SMTNL2: variants seen among roughly 807,000 people sequenced by gnomAD.
SMTNL2 encodes smoothelin like 2.
A neutral mutation model predicts 44.1 loss-of-function variants in SMTNL2; 43 were observed. The observed-to-expected ratio is 0.98, with a 90% CI of 0.76 to 1.26. The LOEUF (loss-of-function observed/expected upper bound fraction) is 1.26. Ranked by LOEUF, SMTNL2 falls within the 50% of genes most tolerant of loss-of-function variation. SMTNL2 has a pLI of 0.00. For missense variants in SMTNL2, 646 were observed against 670.2 expected (o/e 0.96, Z 0.40); for synonymous variants, 317 against 287.6 (o/e 1.10, Z -1.03).
Position 4,593,073 on chromosome 17 carries a change from C to A in SMTNL2, c.632C>A (p.Thr211Asn). The change falls in exon 3 of 8, where the codon ACC becomes AAC. Residue 211 changes from threonine (T) to asparagine (N), a missense_variant. Physicochemically the swap from Thr to Asn is moderately conservative, Grantham distance 65. Coordinates refer to ENST00000389313, the MANE Select transcript of SMTNL2 (RefSeq NM_001114974.2). The stretch of plus-strand genomic sequence containing the variant: ...GTCTCTGACAGGTTCTCTGGGGAGA[C>A]CTCAGCTGCGGCTCTATCACCCATG... ...TRVSDRFSGETSAAALSPMSA... is the reference protein window; with the variant it reads ...TRVSDRFSGENSAAALSPMSA... 6.2e-7 allele frequency: 1 copy of A among 1,614,010 alleles called. No homozygotes were observed. Among genetic ancestry groups the A allele is most frequent in the Non-Finnish European group, 8.5e-7 (1 of 1,179,988 alleles).
In SMTNL2 at chr17:4,592,519, G is replaced by A; in HGVS notation, c.487+71G>A. On this transcript the variant is annotated intron_variant, in intron 2 of 7. Coordinates refer to ENST00000389313, the MANE Select transcript of SMTNL2 (RefSeq NM_001114974.2). This position sits in a 1 kb window ranked among gnomAD's most constrained non-coding sequence, Gnocchi z 4.5. ...TAAGTAAGGCCTTGGTCAGGTATCT[G>A]TGCCAGGCTGGCCCTTGGCCTGGCA... 6.9e-7 allele frequency: 1 copy of A among 1,453,468 alleles called. No individual in the cohort carries two copies. The highest frequency in any genetic ancestry group is 9.4e-7 in the Non-Finnish European group (1 of 1,065,102). 90.0% of individuals were successfully genotyped at this position (1,453,468 alleles called of 1,614,324 possible).
chr17:4,584,577 C>A lies in SMTNL2; in HGVS notation c.-29C>A, dbSNP rs888765438. 1.6e-6 allele frequency: 2 copies of A among 1,221,530 alleles called. No homozygotes were observed. The highest frequency in any genetic ancestry group is 1.0e-6 in the Non-Finnish European group (1 of 980,978). The allele number at this position is 1,221,530 out of a possible 1,614,324, so 75.7% of individuals were successfully genotyped here. A position where few individuals can be genotyped will look rare whatever the true frequency, so the allele number is the denominator to read the frequency against. ...CTCGGATCTTCTCCCCCGTCTGGCC[C>A]GCTCTCGACCCGCGCGCTCTGCTGG... On this transcript the variant is annotated 5_prime_UTR_variant, in exon 1 of 8. Transcript: ENST00000389313.
Position 4,600,471 on chromosome 17 carries a change from G to A in SMTNL2, c.1259+3148G>A, listed in dbSNP as rs943849304. On this transcript the variant is annotated intron_variant, in intron 7 of 7. Transcript: ENST00000389313. The surrounding 1 kb of genome is among the most constrained non-coding windows in gnomAD (Gnocchi z 4.7). ...AAACCACGGGTTCACCTTGCGTGAG[G>A]AATGAAGCATTTCCCCGAGCAAGTG... Among the ~76,000 whole-genome samples the A allele has an allele frequency of 2.0e-5, 3 of 152,196 alleles. No homozygotes were observed. The highest frequency in any genetic ancestry group is 2.4e-5 in the African/African-American group (1 of 41,442).
At chr17:4,584,521 G>A (rs1470644774), upstream of SMTNL2, 2 of 1,203,412 alleles carry the variant, frequency 1.7e-6, no homozygotes, top group South Asian at 4.2e-5. Flanking sequence ...AGCCAGCCAC[G>A]GACGGCCAGT....
intron 7 of SMTNL2, among the ~76,000 whole-genome samples, chr17:4,605,264 C>T (rs117298777): frequency 3.5e-5 from 5 of 144,738 alleles, no homozygotes; most frequent in South Asian, 2.2e-4. Flanking sequence ...TGGCCTCAAG[C>T]GATCCTCTCA....
At chr17:4,586,486 T>C (rs1452759358) in intron 1 of SMTNL2, among the ~76,000 whole-genome samples, 1 of 144,316 alleles carries the variant, frequency 6.9e-6, no homozygotes, top group African/African-American at 2.6e-5. Context: ...GGTTCACATA[T>C]ACATGTAGAT....
rs769000793 is a variant in SMTNL2 at position 4,595,261 on chromosome 17, G to A, written c.923G>A (p.Arg308His). The A allele has an allele frequency of 2.3e-5, 37 of 1,613,094 alleles. No homozygotes were observed. Among genetic ancestry groups the A allele is most frequent in the East Asian group, 1.3e-4 (6 of 44,882 alleles). The change falls in exon 5 of 8, where the codon CGC becomes CAC. Residue 308 changes from arginine to histidine, a missense_variant. By Grantham distance (29) the Arg-to-His change is conservative (BLOSUM62 0). Transcript: ENST00000389313. The surrounding 1 kb of genome is among the most constrained non-coding windows in gnomAD (Gnocchi z 5.1). ...CTGGTGAGGTCGCAGACGCTGCCCC[G>A]CACCTCGGAGGCGCAGGCCCGGAAA... ...RELVRSQTLPRTSEAQARKAL... is the reference protein window; with the variant it reads ...RELVRSQTLPHTSEAQARKAL...
intron 4 of SMTNL2, among the ~76,000 whole-genome samples, chr17:4,594,168 G>C (rs1473977316): frequency 6.6e-6 from 1 of 152,178 alleles, no homozygotes; most frequent in Non-Finnish European, 1.5e-5. Context: ...TGGAGGAGTG[G>C]CCGGGCGCGG....
At chr17:4,591,672 G>A (rs999368808) in intron 1 of SMTNL2, among the ~76,000 whole-genome samples, 12 of 152,250 alleles carry the variant, frequency 7.9e-5, no homozygotes, top group Admixed American at 3.3e-4. Context: ...CAGGGAAACA[G>A]ACCCAGAGGG....
rs1165308457 is a variant in SMTNL2, at chr17:4,584,646, G to T, written c.41G>T (p.Arg14Leu). Residue 14 changes from arginine to leucine, a missense_variant, in exon 1 of 8, where the codon CGC (arginine) becomes CTC (leucine). By Grantham distance (102) the Arg-to-Leu change is moderately radical (BLOSUM62 -2). Transcript: ENST00000389313. ...APDAQEARTV[R>L]EALGRYEAAL... ...GACGCCCAGGAGGCGCGCACTGTGC[G>T]CGAGGCGCTGGGCCGCTACGAGGCG... 3.2e-6 allele frequency: 4 copies of T among 1,266,534 alleles called. No individual in the cohort carries two copies. Among genetic ancestry groups the T allele is most frequent in the Non-Finnish European group, 4.0e-6 (4 of 1,008,468 alleles). The allele number at this position is 1,266,534 out of a possible 1,614,324, so 78.5% of individuals were successfully genotyped here.
At position 4,592,351 on chromosome 17, in the gene SMTNL2, GTC is replaced by G. The variant is rs1909608363; in HGVS notation, c.400-6_400-5del. ...CTGATGGGGTCTCGGTGACATTTGT[GTC>G]TCTGTAGAGTTTGGATCACGATGAG... On this transcript the variant is annotated splice_region_variant and splice_polypyrimidine_tract_variant and intron_variant, in intron 1 of 7. Transcript: ENST00000389313. The surrounding 1 kb of genome is among the most constrained non-coding windows in gnomAD (Gnocchi z 4.5). The G allele has an allele frequency of 1.9e-6, 3 of 1,613,128 alleles. No individual in the cohort carries two copies. The Admixed American group carries it at 5.0e-5, about 27-fold the overall frequency.
In SMTNL2 at chr17:4,592,521, GC is replaced by G; in HGVS notation, c.487+75del. The G allele has an allele frequency of 7.0e-7, 1 of 1,431,342 alleles. No homozygotes were observed. The highest frequency in any genetic ancestry group is 9.5e-7 in the Non-Finnish European group (1 of 1,049,274). The allele number at this position is 1,431,342 out of a possible 1,614,324, so 88.7% of individuals were successfully genotyped here. A position where few individuals can be genotyped will look rare whatever the true frequency, so the allele number is the denominator to read the frequency against. On this transcript the variant is annotated intron_variant, in intron 2 of 7. Coordinates refer to ENST00000389313, the MANE Select transcript of SMTNL2 (RefSeq NM_001114974.2). This position sits in a 1 kb window ranked among gnomAD's most constrained non-coding sequence, Gnocchi z 4.5. ...AGTAAGGCCTTGGTCAGGTATCTGTGCCAGGCTGGCCCTTGGCCTGGCATCG... is the reference window on the plus strand; with the variant it reads ...AGTAAGGCCTTGGTCAGGTATCTGTGCAGGCTGGCCCTTGGCCTGGCATCG...
rs144705012 is a variant in SMTNL2 at position 4,588,234 on chromosome 17, A to G, written c.399+3230A>G. 6.5e-3 allele frequency among the ~76,000 whole-genome samples: 993 copies of G among 152,310 alleles called. 12 individuals are homozygous for G. The highest frequency in any genetic ancestry group is 0.023 in the African/African-American group (938 of 41,554). ...CGTCCCCATGGATGGGCCCGTGCAG[A>G]TCAGGCAGCACCCAGAAGGCCTGAA... is the stretch of plus-strand genomic sequence containing the variant. On this transcript the variant is annotated intron_variant, in intron 1 of 7. Transcript: ENST00000389313.
chr17:4,596,823 G>A, intron 5 of SMTNL2, 37 bp from the exon 6 acceptor site: 1 of 1,415,310 alleles, frequency 7.1e-7, no homozygotes. Context: ...ATGGCAGCTG[G>A]AGGGGCCCCC....
intron 1 of SMTNL2, among the ~76,000 whole-genome samples, chr17:4,586,149 G>C (rs1909339320): frequency 6.6e-6 from 1 of 152,210 alleles, no homozygotes; most frequent in African/African-American, 2.4e-5. Context: ...CGAGGTATGC[G>C]AGTGGAGTGG....
intron 7 of SMTNL2, among the ~76,000 whole-genome samples, chr17:4,604,386 G>A (rs750254097): frequency 2.0e-5 from 3 of 152,188 alleles, no homozygotes; most frequent in Non-Finnish European, 2.9e-5. Context: ...CCTCCATTTC[G>A]CCTTGACATT....
At chr17:4,593,934 C>T (rs1274535069) in intron 4 of SMTNL2, 37 bp downstream of exon 4, 2 of 1,608,506 alleles carry the variant, frequency 1.2e-6, no homozygotes, top group Non-Finnish European at 1.7e-6. Context: ...GGTCGCTGCG[C>T]CCCAGGTGTC....
chr17:4,597,118 T>C, intron 6 of SMTNL2, 54 bp from the exon 7 acceptor site: 1 of 1,585,520 alleles, frequency 6.3e-7, no homozygotes, highest in Non-Finnish European at 8.6e-7. Context: ...AATTATGCCT[T>C]CCGAGTGGGT....
chr17:4,585,041 G>C, intron 1 of SMTNL2, 37 bp downstream of exon 1: 1 of 1,299,682 alleles, frequency 7.7e-7, no homozygotes, highest in East Asian at 3.2e-5. Context: ...GCGCCAGGGA[G>C]TGGGGCTCCG....
Sources: gnomAD v4.1 joint callset for allele counts (sites outside exome capture counted in the v4.1 genomes callset) on GRCh38, gnomAD v4.1.1 for gene constraint, Gnocchi (gnomAD v3.1) non-coding constraint, MANE v1.5 for transcripts, NCBI Gene and HGNC (gene_info 2026-07-23, HGNC 2026-07-21) for gene names.